PODXL: variants seen among roughly 807,000 people sequenced by gnomAD.
PODXL encodes podocalyxin.
Under a neutral mutation model 48.9 loss-of-function variants are expected in PODXL, and 20 were observed. That is an observed-to-expected ratio of 0.41 (90% CI 0.29 to 0.59). The LOEUF (loss-of-function observed/expected upper bound fraction) is 0.59. PODXL is among the 20% of genes least tolerant of loss of function. PODXL has a pLI of 0.31. For synonymous variants in PODXL, 295 were observed against 287.4 expected, an observed-to-expected ratio of 1.03 and a Z score of -0.27; for missense variants, 606 against 675.1, an observed-to-expected ratio of 0.90 and a Z score of 1.13.
intron 8 of PODXL, among the ~76,000 whole-genome samples, chr7:131,505,545 G>T (rs567478496): frequency 7.2e-5 from 11 of 152,282 alleles, no homozygotes; most frequent in African/African-American, 2.4e-4. Context: ...TACTGGGGAG[G>T]CTGAGGCACA....
Position 131,506,718 on chromosome 7 carries a change from G to C in PODXL, c.1110C>G (p.Gly370=). The C allele has an allele frequency of 6.2e-7, 1 of 1,614,112 alleles. No individual in the cohort carries two copies. The highest frequency in any genetic ancestry group is 1.1e-5 in the South Asian group (1 of 91,090). ...NLTGNTLCAG[G]ASDEKLISLI... ...GTGAGATCAATTTCTCATCCGAAGCGCCCCCTGCCTATGGTGGGGAGAGCG... is the reference window on the plus strand; with the variant it reads ...GTGAGATCAATTTCTCATCCGAAGCCCCCCCTGCCTATGGTGGGGAGAGCG... The change falls in exon 6 of 9, where the codon GGC becomes GGG. Residue 370 remains glycine, a synonymous_variant. Transcript: ENST00000378555.
chr7:131,506,588 T>C lies in PODXL; in HGVS notation c.1240A>G (p.Thr414Ala). ...CTTGCCCTCCACTCACTGTGAATAG[T>C]GATTTCTTTGACGACCACGGTCTGA... ...GSQTVVVKEI[T>A]IHTKLPAKDV... The change falls in exon 6 of 9, where the codon ACT (threonine) becomes GCT (alanine). Residue 414 changes from threonine to alanine, a missense_variant. Thr to Ala is a moderately conservative substitution (Grantham distance 58, BLOSUM62 0). Coordinates refer to ENST00000378555, the MANE Select transcript of PODXL (RefSeq NM_001018111.3). 1 of 1,614,044 alleles carries C rather than the reference T, an allele frequency of 6.2e-7. No individual in the cohort carries two copies. Among genetic ancestry groups the C allele is most frequent in the Non-Finnish European group, 8.5e-7 (1 of 1,180,002 alleles).
At chr7:131,527,386 G>A (rs1422915093) in intron 1 of PODXL, among the ~76,000 whole-genome samples, 1 of 152,222 alleles carries the variant, frequency 6.6e-6, no homozygotes, top group Non-Finnish European at 1.5e-5. Context: ...TGTTTTTAGG[G>A]AAACAGAAGA....
chr7:131,509,080 G>A (rs755226537), intron 4 of PODXL, 52 bp from the exon 5 acceptor site: 2 of 1,468,984 alleles, frequency 1.4e-6, no homozygotes, highest in South Asian at 1.1e-5. Flanking sequence ...TGGAATCTTT[G>A]ACATTTCCCC....
At chr7:131,507,598 A>G (rs956154416) in intron 5 of PODXL, among the ~76,000 whole-genome samples, 1 of 152,074 alleles carries the variant, frequency 6.6e-6, no homozygotes, top group Non-Finnish European at 1.5e-5. Flanking sequence ...GAATTTCCTT[A>G]GGCTTAGTAA....
intron 1 of PODXL, among the ~76,000 whole-genome samples, chr7:131,532,135 C>A (rs1441442466): frequency 0.018 from 2,065 of 113,348 alleles, 16 homozygotes; most frequent in African/African-American, 0.026. Flanking sequence ...TCATCATCAT[C>A]ATCATCATCA....
chr7:131,545,400 G>T (rs1357121596), intron 1 of PODXL, among the ~76,000 whole-genome samples: 1 of 152,210 alleles, frequency 6.6e-6, no homozygotes, highest in Non-Finnish European at 1.5e-5. Flanking sequence ...CGCTTTTCCA[G>T]CTTGGTCTTT....
intron 1 of PODXL, among the ~76,000 whole-genome samples, chr7:131,555,956 C>T (rs1434124537): frequency 6.6e-6 from 1 of 152,228 alleles, no homozygotes; most frequent in Non-Finnish European, 1.5e-5. Context: ...TGCGGTCTCC[C>T]TTTTCTTTCC....
In PODXL at chr7:131,504,317, G is replaced by T; in HGVS notation, c.1671C>A (p.His557Gln). ...AGGCCACCGGCAGACCGGACTAGAG[G>T]TGTGTGTCTTCCTCCTCATCCAGGT... ...KDDLDEEEDT[H>Q]L is the part of the protein sequence containing the mutation. Residue 557 changes from histidine (H) to glutamine (Q), a missense_variant, in exon 9 of 9, where the codon CAC becomes CAA. Physicochemically the swap from His to Gln is conservative, Grantham distance 24 (BLOSUM62 0). Transcript: ENST00000378555. The T allele has an allele frequency of 7.4e-6, 12 of 1,613,946 alleles. No homozygotes were observed. The highest frequency in any genetic ancestry group is 1.0e-5 in the Non-Finnish European group (12 of 1,179,830).
At position 131,518,233 on chromosome 7, in the gene PODXL, C is replaced by G. The variant is rs145386287; in HGVS notation, c.101-6800G>C. On this transcript the variant is annotated intron_variant, in intron 1 of 8. Transcript: ENST00000378555. ...GGGGAATGCCATTCGCTCTCCTGAT[C>G]TGCTCTCCTATATCCTCGTGAAAAT... Among the ~76,000 whole-genome samples, 224 of 152,314 alleles carry G rather than the reference C, an allele frequency of 1.5e-3. 1 individual carries two copies. The highest frequency in any genetic ancestry group is 4.8e-3 in the African/African-American group (200 of 41,558).
rs1421963645 is a variant in PODXL, at chr7:131,504,054, G to A, written c.*257C>T. 1.9e-6 allele frequency: 1 copy of A among 535,580 alleles called. No individual in the cohort carries two copies. The highest frequency in any genetic ancestry group is 3.4e-6 in the Non-Finnish European group (1 of 298,308). The allele number at this position is 535,580 out of a possible 1,614,324, so 33.2% of individuals were successfully genotyped here. A position where few individuals can be genotyped will look rare whatever the true frequency, so the allele number is the denominator to read the frequency against. ...CTAGTTCATCTATAAAGTCCCTTAC[G>A]TGGCTTTTTCTTGATCTCCCTCATC... On this transcript the variant is annotated 3_prime_UTR_variant, in exon 9 of 9. Coordinates refer to ENST00000378555, the MANE Select transcript of PODXL (RefSeq NM_001018111.3).
rs751501110 is a variant in PODXL, at chr7:131,504,277, CTG to C, written c.*32_*33del. ...CACTTGGGGTGGTTGGTCTGGAGCT[CTG>C]TGGTGCTGCTGGAGGCCACCGGCAG... On this transcript the variant is annotated 3_prime_UTR_variant, in exon 9 of 9. Transcript: ENST00000378555. 1.2e-5 allele frequency: 19 copies of C among 1,591,522 alleles called. No individual in the cohort carries two copies. The Admixed American group carries it at 1.8e-4, about 15-fold the overall frequency.
At chr7:131,546,444 G>A (rs1427983120) in intron 1 of PODXL, among the ~76,000 whole-genome samples, 2 of 152,138 alleles carry the variant, frequency 1.3e-5, no homozygotes, top group East Asian at 1.9e-4. Flanking sequence ...GCCTGTTTTG[G>A]GCCGGGCGCT....
rs1797716144 is a variant in PODXL at position 131,502,147 on chromosome 7, G to A, written c.*2164C>T. 6.6e-6 allele frequency: 1 copy of A among 152,240 alleles called. No homozygotes were observed. The highest frequency in any genetic ancestry group is 2.1e-4 in the South Asian group (1 of 4,828). 9.4% of individuals were successfully genotyped at this position (152,240 alleles called of 1,614,324 possible). ...GCCCTGGCTGGTGAAGTGTGACCCA[G>A]GATCAGCAAAGGAGGAATAATCCAG... On this transcript the variant is annotated 3_prime_UTR_variant, in exon 9 of 9. Coordinates refer to ENST00000378555, the MANE Select transcript of PODXL (RefSeq NM_001018111.3).
chr7:131,529,578 C>A (rs1798240999), intron 1 of PODXL, among the ~76,000 whole-genome samples: 1 of 151,964 alleles, frequency 6.6e-6, no homozygotes, highest in African/African-American at 2.4e-5. Flanking sequence ...CCTTCTTTAT[C>A]CCCTGCTTAC....
chr7:131,504,804 C>A (rs1212965708), intron 8 of PODXL, among the ~76,000 whole-genome samples: 1 of 152,192 alleles, frequency 6.6e-6, no homozygotes, highest in African/African-American at 2.4e-5. Flanking sequence ...TCATCCCTTC[C>A]CCCAAAACCT....
intron 1 of PODXL, among the ~76,000 whole-genome samples, chr7:131,524,397 G>GAGAGAGAGAGAGAGAGAGAT (rs1798145600): frequency 6.6e-6 from 1 of 150,496 alleles, no homozygotes; most frequent in South Asian, 2.1e-4. Context: ...GAGAGAGAGA[G>GAGAGAGAGAGAGAGAGAGAT]AGAGAGAGAG....
In PODXL at chr7:131,556,498, G is replaced by C. The variant is rs572781534; in HGVS notation, c.-139C>G. 236 of 1,045,986 alleles carry C rather than the reference G, an allele frequency of 2.3e-4. 2 individuals are homozygous for C. The South Asian group carries it at 8.6e-3, about 38-fold the overall frequency. The allele number at this position is 1,045,986 out of a possible 1,614,324, so 64.8% of individuals were successfully genotyped here. On this transcript the variant is annotated 5_prime_UTR_variant, in exon 1 of 9. Transcript: ENST00000378555. ...GGCCAGGCTGTGGCCCGGGGCTCCC[G>C]AGTCGCGCTGCGGCGGCTCTTCCTC... is the stretch of plus-strand genomic sequence containing the variant.
intron 1 of PODXL, among the ~76,000 whole-genome samples, chr7:131,550,165 G>C (rs1010271101): frequency 6.6e-6 from 1 of 152,260 alleles, no homozygotes; most frequent in Admixed American, 6.5e-5. Context: ...TCCTCAGCCA[G>C]TGGGCCAGTG....
Sources: gnomAD v4.1 joint callset for allele counts (sites outside exome capture counted in the v4.1 genomes callset) on GRCh38, gnomAD v4.1.1 for gene constraint, MANE v1.5 for transcripts, NCBI Gene and HGNC (gene_info 2026-07-23, HGNC 2026-07-21) for gene names.